The following PSPC1 variants were observed in gnomAD, a reference collection of about 807,000 sequenced individuals.
PSPC1 encodes paraspeckle component 1.
PSPC1 carries 14 observed loss-of-function variants against 51.6 expected under a neutral mutation model. The ratio of observed to expected loss-of-function variants is 0.27; its 90% CI spans 0.18 to 0.42. The LOEUF is 0.42. Ranked by LOEUF, PSPC1 falls within the 10% of genes least tolerant of loss-of-function variation. The probability of loss-of-function intolerance (pLI) is 1.00; values close to 1 mark genes in which losing one functional copy is unlikely to be tolerated. For missense variants in PSPC1, 406 were observed against 701.1 expected (o/e 0.58, Z 4.75); for synonymous variants, 193 against 231.9 (o/e 0.83, Z 1.53).
downstream of PSPC1, among the ~76,000 whole-genome samples, chr13:19,701,670 T>C (rs1031891850): frequency 6.6e-6 from 1 of 152,250 alleles, no homozygotes; most frequent in Non-Finnish European, 1.5e-5. Flanking sequence ...ACTGCTTTTA[T>C]GCAAAATTTA....
chr13:19,688,172 T>C (rs1878144659), intron 6 of PSPC1, among the ~76,000 whole-genome samples: 1 of 152,106 alleles, frequency 6.6e-6, no homozygotes, highest in East Asian at 1.9e-4. Flanking sequence ...CCTTCCCAAC[T>C]ATTGTATCTT....
chr13:19,703,757 G>T (rs1271336326), intron 8 of PSPC1, among the ~76,000 whole-genome samples: 4 of 151,934 alleles, frequency 2.6e-5, no homozygotes, highest in African/African-American at 7.3e-5. Context: ...AAATAAAACT[G>T]GGGAGCAGCA....
intron 2 of PSPC1, among the ~76,000 whole-genome samples, chr13:19,765,094 T>A (rs1276644559): frequency 1.3e-5 from 2 of 151,934 alleles, no homozygotes; most frequent in African/African-American, 4.8e-5. Context: ...TGAGAATAGT[T>A]GAATAGTAAT....
intron 5 of PSPC1, among the ~76,000 whole-genome samples, chr13:19,735,523 T>G (rs1884676327): frequency 6.6e-6 from 1 of 152,188 alleles, no homozygotes; most frequent in African/African-American, 2.4e-5. Flanking sequence ...AACTAAATAA[T>G]TTATTTATAG....
In PSPC1 at chr13:19,714,020, C is replaced by T. The variant is rs565382957; in HGVS notation, c.1159-4421G>A. Among the ~76,000 whole-genome samples the T allele has an allele frequency of 2.6e-5, 4 of 152,298 alleles. No individual in the cohort carries two copies. In the South Asian group the frequency reaches 6.2e-4, roughly 24 times the overall value. On this transcript the variant is annotated intron_variant, in intron 6 of 8. Coordinates refer to ENST00000338910, the MANE Select transcript of PSPC1 (RefSeq NM_001354909.2). ...GCCCAATTTTTACTAGTAACCACTGCATTTGTCACATGGATAAAACTGTAG... is the reference window on the plus strand; with the variant it reads ...GCCCAATTTTTACTAGTAACCACTGTATTTGTCACATGGATAAAACTGTAG...
chr13:19,739,914 T>C (rs966861378), intron 5 of PSPC1, among the ~76,000 whole-genome samples: 22 of 150,942 alleles, frequency 1.5e-4, no homozygotes, highest in African/African-American at 5.4e-4. Context: ...TCTATCTGAA[T>C]GCTGGAGGAT....
At chr13:19,674,580 A>G (rs1876425663), downstream of PSPC1, 1 of 152,264 alleles carries the variant, frequency 6.6e-6, no homozygotes, top group Middle Eastern at 3.2e-3. Flanking sequence ...GGCCAGGCTT[A>G]TAAGGCACTC....
At chr13:19,722,844 T>TC (rs1882936093) in intron 6 of PSPC1, among the ~76,000 whole-genome samples, 1 of 151,784 alleles carries the variant, frequency 6.6e-6, no homozygotes, top group East Asian at 1.9e-4. Context: ...GCACAGTGAC[T>TC]CATGCCTGTA....
At chr13:19,698,959 A>G (rs950730856), downstream of PSPC1, among the ~76,000 whole-genome samples, 8 of 151,944 alleles carry the variant, frequency 5.3e-5, no homozygotes, top group Non-Finnish European at 8.8e-5. Context: ...GGTAAAAAAA[A>G]GTGTAATCAA....
chr13:19,711,541 G>A (rs976698407), intron 6 of PSPC1, among the ~76,000 whole-genome samples: 16 of 151,882 alleles, frequency 1.1e-4, no homozygotes, highest in African/African-American at 3.9e-4. Flanking sequence ...GGGAGGCTGA[G>A]GCAGGAGAAT....
At chr13:19,741,463 A>G in intron 5 of PSPC1, 102 bp downstream of exon 5, 5 of 810,666 alleles carry the variant, frequency 6.2e-6, no homozygotes, top group Middle Eastern at 2.4e-4. Flanking sequence ...CAATTTTTCT[A>G]TTTTTCCTGT....
chr13:19,740,980 T>A (rs1260094777), intron 5 of PSPC1, among the ~76,000 whole-genome samples: 6 of 152,036 alleles, frequency 3.9e-5, no homozygotes, highest in Non-Finnish European at 1.5e-5. Context: ...ATTCAAGCGA[T>A]TCTCCTGCCT....
intron 6 of PSPC1, among the ~76,000 whole-genome samples, chr13:19,727,652 A>T (rs1052108177): frequency 3.9e-5 from 6 of 152,228 alleles, no homozygotes; most frequent in African/African-American, 1.4e-4. Context: ...TTTTTCCCAT[A>T]AAGACTGGTA....
At chr13:19,709,640 T>G (rs767066613) in intron 6 of PSPC1, 41 bp from the exon 7 acceptor site, 23 of 1,343,214 alleles carry the variant, frequency 1.7e-5, no homozygotes, top group Non-Finnish European at 2.2e-5. Context: ...CTATCGATCT[T>G]ATGACTTTAC....
rs1011731034 is a variant in PSPC1 at position 19,782,781 on chromosome 13, C to A, written c.-24G>T. The A allele has an allele frequency of 2.6e-6, 4 of 1,517,200 alleles. No homozygotes were observed. Among genetic ancestry groups the A allele is most frequent in the Non-Finnish European group, 3.5e-6 (4 of 1,149,960 alleles). 94.0% of individuals were successfully genotyped at this position (1,517,200 alleles called of 1,614,324 possible). ...ATCTTACTGAGTTCGCCTCGGACAC[C>A]GGATACAGGCCTAGATTTATAGACA... On this transcript the variant is annotated 5_prime_UTR_variant, in exon 1 of 9. Transcript: ENST00000338910. This position sits in a 1 kb window ranked among gnomAD's most constrained non-coding sequence, Gnocchi z 4.5.
At chr13:19,727,700 T>C (rs2137903184) in intron 6 of PSPC1, among the ~76,000 whole-genome samples, 1 of 152,336 alleles carries the variant, frequency 6.6e-6, no homozygotes, top group South Asian at 2.1e-4. Flanking sequence ...CTACAGTTGG[T>C]GGAGTAACCT....
intron 2 of PSPC1, among the ~76,000 whole-genome samples, chr13:19,765,385 TAA>T (rs1464179331): frequency 2.7e-5 from 4 of 148,192 alleles, no homozygotes; most frequent in African/African-American, 9.8e-5. Context: ...ACGATATTAA[TAA>T]AATATTTTAT....
At chr13:19,711,746 C>T (rs182338780) in intron 6 of PSPC1, among the ~76,000 whole-genome samples, 6 of 147,892 alleles carry the variant, frequency 4.1e-5, no homozygotes, top group Admixed American at 6.7e-5. Context: ...CAGGAGGCTG[C>T]GGTAGGAGAA....
chr13:19,701,111 T>G (rs1879855057), downstream of PSPC1, among the ~76,000 whole-genome samples: 1 of 151,810 alleles, frequency 6.6e-6, no homozygotes, highest in Admixed American at 6.6e-5. Context: ...GTGCCAGAGT[T>G]GAGCCTGGAC....
Sources: allele counts gnomAD v4.1 joint callset (sites outside exome capture counted in the v4.1 genomes callset), GRCh38; gene constraint gnomAD v4.1.1; non-coding constraint Gnocchi (gnomAD v3.1); transcripts MANE v1.5; gene names NCBI Gene and HGNC (gene_info 2026-07-23, HGNC 2026-07-21).